The following THSD4 variants were observed in gnomAD, a reference collection of about 807,000 sequenced individuals.
The protein encoded by THSD4 is thrombospondin type 1 domain containing 4, also known as thrombospondin type-1 domain-containing protein 4.
Under a neutral mutation model 119.0 loss-of-function variants are expected in THSD4, and 69 were observed. That is an observed-to-expected ratio of 0.58 (90% CI 0.48 to 0.71). The LOEUF is 0.71. Ranked by LOEUF, THSD4 falls within the 30% of genes least tolerant of loss-of-function variation. The probability of loss-of-function intolerance (pLI) is 0.00; values close to 1 mark genes in which losing one functional copy is unlikely to be tolerated. For missense variants in THSD4, 1,393 were observed against 1,391.1 expected (o/e 1.00, Z -0.02); for synonymous variants, 524 against 540.4 (o/e 0.97, Z 0.42).
chr15:71,614,239 G>A (rs991220832), intron 7 of THSD4, among the ~76,000 whole-genome samples: 5 of 152,100 alleles, frequency 3.3e-5, no homozygotes, highest in East Asian at 1.9e-4. Flanking sequence ...GCATTTCCTC[G>A]CCACCATTTA....
intron 7 of THSD4, among the ~76,000 whole-genome samples, chr15:71,612,712 C>T (rs927282227): frequency 2.0e-5 from 3 of 152,180 alleles, no homozygotes; most frequent in Non-Finnish European, 2.9e-5. Context: ...GGGTCACAGT[C>T]AGAAAGAGGC....
chr15:71,601,010 G>C lies in THSD4; in HGVS notation c.1153-59520G>C, dbSNP rs117563660. ...GATCCACCCGTCTTGGCCTCCTGAAGTGCTGGCATTACAGGCATGAGCCAC... is the reference window on the plus strand; with the variant it reads ...GATCCACCCGTCTTGGCCTCCTGAACTGCTGGCATTACAGGCATGAGCCAC... On this transcript the variant is annotated intron_variant, in intron 7 of 17. Transcript: ENST00000261862. 3.5e-4 allele frequency among the ~76,000 whole-genome samples: 53 copies of C among 152,222 alleles called. 1 individual carries two copies. In the East Asian group the frequency reaches 9.1e-3, roughly 26 times the overall value.
At chr15:71,711,508 A>G (rs1320701046) in intron 8 of THSD4, among the ~76,000 whole-genome samples, 1 of 152,164 alleles carries the variant, frequency 6.6e-6, no homozygotes, top group African/African-American at 2.4e-5. Context: ...GCAAGTACAA[A>G]AAAAGAAAGG....
chr15:71,566,476 G>T (rs554743755), intron 7 of THSD4, among the ~76,000 whole-genome samples: 2 of 152,158 alleles, frequency 1.3e-5, no homozygotes, highest in Admixed American at 1.3e-4. Flanking sequence ...GGGTTGTGGG[G>T]GTAGACAGAT....
chr15:71,635,665 G>C (rs764202155), intron 7 of THSD4, among the ~76,000 whole-genome samples: 22 of 152,100 alleles, frequency 1.4e-4, no homozygotes, highest in Non-Finnish European at 2.6e-4. Flanking sequence ...ACCAGACAAA[G>C]GTTGCCAGTT....
At chr15:71,618,362 A>G (rs2050356390) in intron 7 of THSD4, among the ~76,000 whole-genome samples, 1 of 152,264 alleles carries the variant, frequency 6.6e-6, no homozygotes, top group Non-Finnish European at 1.5e-5. Context: ...AACAGCAGTT[A>G]AAACGACTAA....
At chr15:71,541,811 T>G (rs2048764275) in intron 7 of THSD4, among the ~76,000 whole-genome samples, 1 of 152,170 alleles carries the variant, frequency 6.6e-6, no homozygotes, top group Non-Finnish European at 1.5e-5. Flanking sequence ...GGAATGACCT[T>G]TCTAGAGAAA....
intron 3 of THSD4, among the ~76,000 whole-genome samples, chr15:71,157,660 T>TTC (rs2040792166): frequency 6.8e-6 from 1 of 147,388 alleles, no homozygotes; most frequent in Non-Finnish European, 1.5e-5. Context: ...CTGTTCTCCT[T>TTC]TCTGCTTCTA....
intron 14 of THSD4, 126 bp downstream of exon 14, chr15:71,748,720 C>G (rs988593565): frequency 8.2e-7 from 1 of 1,221,248 alleles, no homozygotes; most frequent in Non-Finnish European, 1.1e-6. Flanking sequence ...AAAAAAAAGG[C>G]CCAGAGAGGA....
chr15:71,097,630 A>G (rs1377018502), intron 1 of THSD4, among the ~76,000 whole-genome samples: 1 of 151,304 alleles, frequency 6.6e-6, no homozygotes, highest in Non-Finnish European at 1.5e-5. Flanking sequence ...GGGGGAAAAA[A>G]GAGACAGATA....
chr15:71,128,974 G>T (rs1008702235), intron 1 of THSD4, among the ~76,000 whole-genome samples: 1 of 152,170 alleles, frequency 6.6e-6, no homozygotes, highest in African/African-American at 2.4e-5. Context: ...GATGAGGCTG[G>T]TGGAGGAGGC....
At chr15:71,500,822 T>C (rs1419554646) in intron 7 of THSD4, among the ~76,000 whole-genome samples, 1 of 152,242 alleles carries the variant, frequency 6.6e-6, no homozygotes, top group Non-Finnish European at 1.5e-5. Flanking sequence ...CTCTCTTCTG[T>C]TGCATTGGTC....
At chr15:71,122,231 G>A (rs1243827202) in intron 1 of THSD4, among the ~76,000 whole-genome samples, 1 of 152,130 alleles carries the variant, frequency 6.6e-6, no homozygotes, top group Non-Finnish European at 1.5e-5. Context: ...GTCAGGTACT[G>A]GGATTTACCT....
chr15:71,436,757 A>C (rs149366574), intron 7 of THSD4, among the ~76,000 whole-genome samples: 2 of 152,326 alleles, frequency 1.3e-5, no homozygotes, highest in African/African-American at 4.8e-5. Context: ...CAGCAACCCA[A>C]TGGAAATGTT....
At chr15:71,208,515 A>ATTT (rs57597488) in intron 3 of THSD4, among the ~76,000 whole-genome samples, 1 of 149,334 alleles carries the variant, frequency 6.7e-6, no homozygotes, top group East Asian at 2.0e-4. Flanking sequence ...TTTCTTTTTT[A>ATTT]TTTTTTTTTA....
chr15:71,656,382 A>T (rs917322013), intron 7 of THSD4, among the ~76,000 whole-genome samples: 2 of 152,216 alleles, frequency 1.3e-5, no homozygotes, highest in Non-Finnish European at 2.9e-5. Context: ...AAAATAAAAC[A>T]TTATAACAAT....
At chr15:71,133,531 GC>G (rs1351709506) in intron 1 of THSD4, among the ~76,000 whole-genome samples, 4 of 152,172 alleles carry the variant, frequency 2.6e-5, no homozygotes, top group Non-Finnish European at 5.9e-5. Flanking sequence ...ATAATGATAC[GC>G]TTTGACGATC....
chr15:71,664,191 C>T (rs1367643345), intron 8 of THSD4, among the ~76,000 whole-genome samples: 1 of 151,960 alleles, frequency 6.6e-6, no homozygotes, highest in East Asian at 1.9e-4. Flanking sequence ...ACCGTGTTAG[C>T]CAGGATGGTC....
chr15:71,758,752 T>C (rs2053584410), intron 15 of THSD4, among the ~76,000 whole-genome samples: 1 of 152,224 alleles, frequency 6.6e-6, no homozygotes, highest in South Asian at 2.1e-4. Flanking sequence ...GTTTGGCTTA[T>C]GATCATGATT....
Sources: allele counts gnomAD v4.1 joint callset (sites outside exome capture counted in the v4.1 genomes callset), GRCh38; gene constraint gnomAD v4.1.1; transcripts MANE v1.5; gene names NCBI Gene and HGNC (gene_info 2026-07-23, HGNC 2026-07-21).